RYR2: variants seen among roughly 807,000 people sequenced by gnomAD.
RYR2 encodes ryanodine receptor 2.
In RYR2, 227 loss-of-function variants were observed where a neutral mutation model predicts 601.1. The observed-to-expected ratio is 0.38, with a 90% CI of 0.34 to 0.42. RYR2 has a LOEUF of 0.42. Ranked by LOEUF, RYR2 falls within the 10% of genes least tolerant of loss-of-function variation. RYR2 has a pLI of 1.00. For missense variants in RYR2, 4,646 were observed against 6,156.5 expected (o/e 0.75, Z 8.21); for synonymous variants, 2,223 against 2,175.1 (o/e 1.02, Z -0.61).
rs767550984 is a variant in RYR2, at chr1:237,806,297, C to G, written c.14298+14C>G. ...AATGGCAAACAGGTAAACAGTTTAT[C>G]TTTTTCCTCCCTTGCAGAAAATAAA... On this transcript the variant is annotated intron_variant, in intron 99 of 104. Transcript: ENST00000366574. The G allele has an allele frequency of 6.3e-7, 1 of 1,597,804 alleles. No individual in the cohort carries two copies. The highest frequency in any genetic ancestry group is 1.3e-5 in the African/African-American group (1 of 74,238).
At chr1:237,624,058 G>A (rs571790168) in intron 39 of RYR2, among the ~76,000 whole-genome samples, 188 bp downstream of exon 39, 4 of 152,308 alleles carry the variant, frequency 2.6e-5, no homozygotes, top group South Asian at 2.1e-4. Context: ...AGTCCTGAGG[G>A]ATAGAGAAAT....
At chr1:237,381,979 T>C (rs1310900190) in intron 8 of RYR2, among the ~76,000 whole-genome samples, 2 of 152,192 alleles carry the variant, frequency 1.3e-5, no homozygotes, top group Non-Finnish European at 2.9e-5. Flanking sequence ...TTAAGAGAAA[T>C]ATACAATTTA....
intron 2 of RYR2, among the ~76,000 whole-genome samples, chr1:237,303,778 G>A (rs1693605630): frequency 1.3e-5 from 2 of 152,102 alleles, no homozygotes; most frequent in South Asian, 2.1e-4. Flanking sequence ...TTTAACATCT[G>A]CCTCAGTGAT....
chr1:237,813,170 G>T, intron 100 of RYR2, among the ~76,000 whole-genome samples: 1 of 152,134 alleles, frequency 6.6e-6, no homozygotes, highest in East Asian at 1.9e-4. Context: ...GGCCAGGAAA[G>T]GCTACAAGGC....
intron 30 of RYR2, 83 bp from the exon 31 acceptor site, chr1:237,590,557 A>T: frequency 8.6e-7 from 1 of 1,165,110 alleles, no homozygotes; most frequent in Non-Finnish European, 1.2e-6. Context: ...GATTCTGAAA[A>T]CGTGATGTGC....
chr1:237,145,665 C>A (rs903036741), intron 1 of RYR2, among the ~76,000 whole-genome samples: 5 of 152,090 alleles, frequency 3.3e-5, no homozygotes, highest in South Asian at 4.1e-4. Flanking sequence ...GGATATAGAC[C>A]TACTATACCC....
At chr1:237,173,162 G>C (rs938500512) in intron 1 of RYR2, among the ~76,000 whole-genome samples, 1 of 151,914 alleles carries the variant, frequency 6.6e-6, no homozygotes, top group Non-Finnish European at 1.5e-5. Flanking sequence ...CTGTAGATAC[G>C]ACAAACTACT....
At chr1:237,493,607 C>T (rs562302565) in intron 19 of RYR2, among the ~76,000 whole-genome samples, 1 of 152,190 alleles carries the variant, frequency 6.6e-6, no homozygotes, top group South Asian at 2.1e-4. Flanking sequence ...TGCCCGCCAC[C>T]ACGCCTGGCT....
intron 1 of RYR2, among the ~76,000 whole-genome samples, chr1:237,163,163 G>T (rs1191555256): frequency 6.6e-6 from 1 of 152,108 alleles, no homozygotes; most frequent in Non-Finnish European, 1.5e-5. Flanking sequence ...ACTGGTTGCT[G>T]ATTTTGGGAA....
At chr1:237,143,087 C>T (rs1274120315) in intron 1 of RYR2, among the ~76,000 whole-genome samples, 2 of 152,138 alleles carry the variant, frequency 1.3e-5, no homozygotes, top group Non-Finnish European at 2.9e-5. Flanking sequence ...CCTTAAGGTC[C>T]CTAACCAGAA....
At chr1:237,289,059 C>T (rs1459634581) in intron 2 of RYR2, among the ~76,000 whole-genome samples, 1 of 152,152 alleles carries the variant, frequency 6.6e-6, no homozygotes, top group Non-Finnish European at 1.5e-5. Context: ...ACTTTTCACG[C>T]AAACAGACCT....
At chr1:237,441,732 G>A (rs1572346312) in intron 13 of RYR2, among the ~76,000 whole-genome samples, 1 of 152,068 alleles carries the variant, frequency 6.6e-6, no homozygotes, top group Admixed American at 6.6e-5. Flanking sequence ...ATACAGTGCC[G>A]TCTTCTGGAT....
At chr1:237,343,391 T>C (rs1026362351) in intron 3 of RYR2, among the ~76,000 whole-genome samples, 1 of 152,220 alleles carries the variant, frequency 6.6e-6, no homozygotes, top group African/African-American at 2.4e-5. Context: ...GTTCACTCTA[T>C]TGATATATGA....
At chr1:237,546,411 C>T (rs938484395) in intron 25 of RYR2, among the ~76,000 whole-genome samples, 5 of 152,104 alleles carry the variant, frequency 3.3e-5, no homozygotes, top group Middle Eastern at 3.4e-3. Context: ...AGAGTCTCGC[C>T]GTGTCACCCA....
chr1:237,167,350 A>T (rs1341742423), intron 1 of RYR2, among the ~76,000 whole-genome samples: 1 of 152,238 alleles, frequency 6.6e-6, no homozygotes, highest in East Asian at 1.9e-4. Context: ...AGATAGAGCG[A>T]TAGTTATCAC....
intron 1 of RYR2, among the ~76,000 whole-genome samples, chr1:237,063,180 A>G (rs766418110): frequency 6.6e-6 from 1 of 152,170 alleles, no homozygotes; most frequent in Non-Finnish European, 1.5e-5. Context: ...GCAGTCTGCA[A>G]CCCAGAAGAG....
chr1:237,694,604 T>C (rs1687254443), intron 63 of RYR2, among the ~76,000 whole-genome samples: 1 of 152,190 alleles, frequency 6.6e-6, no homozygotes, highest in Admixed American at 6.5e-5. Context: ...TAGATGCCTA[T>C]AATGAAAGTA....
intron 10 of RYR2, among the ~76,000 whole-genome samples, chr1:237,409,003 G>C (rs1347953785): frequency 1.3e-5 from 2 of 151,994 alleles, no homozygotes; most frequent in East Asian, 1.9e-4. Flanking sequence ...ATTGATTTTT[G>C]TGTATTAATG....
chr1:237,548,369 AT>A, intron 25 of RYR2, 61 bp from the exon 26 acceptor site: 7 of 1,550,086 alleles, frequency 4.5e-6, no homozygotes, highest in Non-Finnish European at 6.2e-6. Context: ...AGAAAATGAT[AT>A]TTACAGAGAT....
Sources: gnomAD v4.1 joint callset for allele counts (sites outside exome capture counted in the v4.1 genomes callset) on GRCh38, gnomAD v4.1.1 for gene constraint, MANE v1.5 for transcripts, NCBI Gene and HGNC (gene_info 2026-07-23, HGNC 2026-07-21) for gene names.